ERBB4: variants seen among roughly 807,000 people sequenced by gnomAD.
ERBB4 encodes erb-b2 receptor tyrosine kinase 4.
A neutral mutation model predicts 158.0 loss-of-function variants in ERBB4; 42 were observed. That is an observed-to-expected ratio of 0.27 (90% confidence interval 0.21 to 0.34). ERBB4 has a LOEUF of 0.34. Among genes scored for constraint, ERBB4 ranks in the 10% least tolerant of loss-of-function variants. The pLI, the probability that ERBB4 is intolerant of heterozygous loss-of-function variation, is 1.00. For missense variants in ERBB4, 1,333 were observed against 1,624.1 expected (o/e 0.82, Z 3.08); for synonymous variants, 583 against 558.7 (o/e 1.04, Z -0.61).
chr2:211,749,011 C>T (rs2075052264), intron 5 of ERBB4, among the ~76,000 whole-genome samples: 2 of 152,158 alleles, frequency 1.3e-5, no homozygotes, highest in African/African-American at 4.8e-5. Flanking sequence ...TATTTAAAAG[C>T]CTGTTTAAGA....
At chr2:211,906,998 A>G (rs931647379) in intron 3 of ERBB4, among the ~76,000 whole-genome samples, 4 of 151,666 alleles carry the variant, frequency 2.6e-5, no homozygotes, top group African/African-American at 7.2e-5. Flanking sequence ...CATTAAAATA[A>G]TGATATTTGT....
At chr2:212,333,932 A>T (rs182940365) in intron 1 of ERBB4, among the ~76,000 whole-genome samples, 3 of 152,168 alleles carry the variant, frequency 2.0e-5, no homozygotes. Flanking sequence ...GGACTCAGAT[A>T]GTGTCACTGC....
chr2:212,263,757 G>A (rs1434300316), intron 1 of ERBB4, among the ~76,000 whole-genome samples: 1 of 151,556 alleles, frequency 6.6e-6, no homozygotes, highest in Non-Finnish European at 1.5e-5. Flanking sequence ...ACCCATCCTA[G>A]GGAGAAAAAA....
chr2:212,240,090 G>A (rs1476085400), intron 1 of ERBB4, among the ~76,000 whole-genome samples: 6 of 152,124 alleles, frequency 3.9e-5, no homozygotes, highest in East Asian at 1.9e-4. Flanking sequence ...ACTGATACTC[G>A]TAGCAAATTA....
intron 1 of ERBB4, among the ~76,000 whole-genome samples, chr2:212,153,273 C>T (rs1368420413): frequency 1.3e-5 from 2 of 152,158 alleles, no homozygotes; most frequent in African/African-American, 4.8e-5. Flanking sequence ...CCCATATTAA[C>T]TTTCCATAGC....
chr2:212,345,136 G>T (rs986996503), intron 1 of ERBB4, among the ~76,000 whole-genome samples: 4 of 151,306 alleles, frequency 2.6e-5, no homozygotes, highest in African/African-American at 9.7e-5. Context: ...CGTGATGGCG[G>T]GCGCCTGTAA....
chr2:211,772,908 T>TAC (rs200843814), intron 4 of ERBB4, among the ~76,000 whole-genome samples: 15,203 of 61,194 alleles, frequency 0.25, 3,192 homozygotes, highest in Non-Finnish European at 0.33. Context: ...CATATATATA[T>TAC]ACACACACAC....
At chr2:212,537,765 A>G (rs1284159391) in intron 1 of ERBB4, among the ~76,000 whole-genome samples, 1 of 113,344 alleles carries the variant, frequency 8.8e-6, no homozygotes, top group African/African-American at 3.8e-5. Context: ...TTTTTTTTTA[A>G]GAGGTCAGGC....
At chr2:212,343,337 A>T (rs1234312534) in intron 1 of ERBB4, among the ~76,000 whole-genome samples, 2 of 152,166 alleles carry the variant, frequency 1.3e-5, no homozygotes, top group Non-Finnish European at 1.5e-5. Flanking sequence ...TATTGCTTTA[A>T]TCTATGCTTG....
At chr2:212,146,681 C>T (rs2125617986) in intron 1 of ERBB4, among the ~76,000 whole-genome samples, 1 of 152,220 alleles carries the variant, frequency 6.6e-6, no homozygotes. Context: ...CAAAGACGTC[C>T]CTAACTACGG....
rs1379217759 is a variant in ERBB4 at position 212,324,476 on chromosome 2, T to G, written c.83-199573A>C. On this transcript the variant is annotated intron_variant, in intron 1 of 27. Transcript: ENST00000342788. Reference sequence around the variant, plus strand: ...TGAACAGCTTAGGAGCAGCGGGTTTTTTGTTTTTGTTTTTTTTTCCTTTAG... The same window carrying G: ...TGAACAGCTTAGGAGCAGCGGGTTTGTTGTTTTTGTTTTTTTTTCCTTTAG... Among the ~76,000 whole-genome samples, 14 of 89,720 alleles carry G rather than the reference T, an allele frequency of 1.6e-4. No individual in the cohort carries two copies. In the South Asian group the frequency reaches 4.2e-3, roughly 27 times the overall value. The allele number at this position is 89,720 out of a possible 152,430, so 58.9% of individuals were successfully genotyped here.
chr2:212,538,245 GA>G (rs1248714316), intron 1 of ERBB4, among the ~76,000 whole-genome samples: 2 of 152,144 alleles, frequency 1.3e-5, no homozygotes, highest in Non-Finnish European at 2.9e-5. Flanking sequence ...GACTCAGAGT[GA>G]TTTTTCACGA....
chr2:212,074,481 C>T (rs2078217402), intron 2 of ERBB4, among the ~76,000 whole-genome samples: 1 of 151,732 alleles, frequency 6.6e-6, no homozygotes, highest in Non-Finnish European at 1.5e-5. Flanking sequence ...CATAATGCCC[C>T]AAAAATCAAT....
intron 17 of ERBB4, 59 bp from the exon 18 acceptor site, chr2:211,624,103 G>GTCTA: frequency 7.2e-7 from 1 of 1,393,956 alleles, no homozygotes; most frequent in Non-Finnish European, 9.8e-7. Context: ...CTCTCTCTCT[G>GTCTA]TCTCTCTCTC....
intron 12 of ERBB4, among the ~76,000 whole-genome samples, chr2:211,700,944 C>T (rs1278976902): frequency 6.6e-6 from 1 of 152,054 alleles, no homozygotes; most frequent in East Asian, 1.9e-4. Flanking sequence ...GATGGTTGTA[C>T]TCATAATAGT....
At chr2:211,697,841 A>G (rs967042255) in intron 12 of ERBB4, among the ~76,000 whole-genome samples, 1 of 152,190 alleles carries the variant, frequency 6.6e-6, no homozygotes, top group African/African-American at 2.4e-5. Flanking sequence ...ATTTTTATGT[A>G]GCGTCATTTA....
At chr2:212,059,295 TACAA>T (rs975945099) in intron 2 of ERBB4, among the ~76,000 whole-genome samples, 5 of 152,110 alleles carry the variant, frequency 3.3e-5, no homozygotes, top group Admixed American at 3.3e-4. Context: ...TAAAAGAGGA[TACAA>T]ACAAATGGAA....
At chr2:211,725,319 G>C in intron 5 of ERBB4, 125 bp from the exon 6 acceptor site, 2 of 762,748 alleles carry the variant, frequency 2.6e-6, no homozygotes, top group Non-Finnish European at 4.8e-6. Flanking sequence ...TAATGAATGA[G>C]GTTTACAACT....
At chr2:212,412,385 G>C (rs925642904) in intron 1 of ERBB4, among the ~76,000 whole-genome samples, 34 of 152,156 alleles carry the variant, frequency 2.2e-4, no homozygotes, top group Admixed American at 1.4e-3. Context: ...CTTTGGTAAT[G>C]AGTGAGTTCT....
Sources: gnomAD v4.1 joint callset for allele counts (sites outside exome capture counted in the v4.1 genomes callset) on GRCh38, gnomAD v4.1.1 for gene constraint, MANE v1.5 for transcripts, NCBI Gene and HGNC (gene_info 2026-07-23, HGNC 2026-07-21) for gene names.